PDE3A: variants seen among roughly 807,000 people sequenced by gnomAD.
PDE3A encodes cGMP-inhibited 3',5'-cyclic phosphodiesterase 3A.
A neutral mutation model predicts 98.3 loss-of-function variants in PDE3A; 43 were observed. That is an observed-to-expected ratio of 0.44 (90% CI 0.34 to 0.56). The LOEUF (loss-of-function observed/expected upper bound fraction) is 0.56, where lower values mean the gene tolerates loss of function less well. Ranked by LOEUF, PDE3A falls within the 20% of genes least tolerant of loss-of-function variation. The pLI, the probability that PDE3A is intolerant of heterozygous loss-of-function variation, is 0.01. For synonymous variants in PDE3A, 663 were observed against 567.9 expected (o/e 1.17, Z -2.38); for missense variants, 1,427 against 1,440.7 (o/e 0.99, Z 0.15).
intron 9 of PDE3A, 25 bp from the exon 10 acceptor site, chr12:20,639,821 C>A: frequency 2.9e-6 from 3 of 1,042,084 alleles, no homozygotes; most frequent in Non-Finnish European, 4.5e-6. Context: ...AGGGATGTTT[C>A]ATAAGGCTTT....
chr12:20,621,199 T>C, intron 4 of PDE3A, 97 bp from the exon 5 acceptor site: 3 of 691,994 alleles, frequency 4.3e-6, no homozygotes, highest in Non-Finnish European at 7.8e-6. Context: ...GGCAAATCTA[T>C]TAGAGAAATG....
intron 2 of PDE3A, among the ~76,000 whole-genome samples, chr12:20,599,286 T>C (rs1943535154): frequency 6.6e-6 from 1 of 152,070 alleles, no homozygotes; most frequent in African/African-American, 2.4e-5. Flanking sequence ...TGGCCAATCT[T>C]TCTTTCCTGT....
intron 6 of PDE3A, among the ~76,000 whole-genome samples, chr12:20,630,835 T>A (rs1944362394): frequency 6.6e-6 from 1 of 152,304 alleles, no homozygotes; most frequent in Admixed American, 6.5e-5. Flanking sequence ...TGGTATTTTT[T>A]AAGTAGAAAA....
rs144878834 is a variant in PDE3A, at chr12:20,506,609, G to T, written c.961-50051G>T. Among the ~76,000 whole-genome samples, 364 of 151,878 alleles carry T rather than the reference G, an allele frequency of 2.4e-3. 3 individuals carry two copies. The highest frequency in any genetic ancestry group is 8.5e-3 in the African/African-American group (352 of 41,458). On this transcript the variant is annotated intron_variant, in intron 1 of 15. Coordinates refer to ENST00000359062, the MANE Select transcript of PDE3A (RefSeq NM_000921.5). ...TGTAGTCATTTATAATTTTATAGAC[G>T]AATTTATAATTTGGCTCATACATAT...
chr12:20,514,809 A>T (rs967571654), intron 1 of PDE3A, among the ~76,000 whole-genome samples: 5 of 152,206 alleles, frequency 3.3e-5, no homozygotes, highest in Non-Finnish European at 5.9e-5. Context: ...TAGCTGTGTG[A>T]CTTTGGCATG....
At chr12:20,460,638 T>C (rs2120923992) in intron 1 of PDE3A, among the ~76,000 whole-genome samples, 1 of 152,342 alleles carries the variant, frequency 6.6e-6, no homozygotes, top group Admixed American at 6.5e-5. Flanking sequence ...ACAAGACTAC[T>C]TTTTCATTAT....
chr12:20,393,872 C>T (rs1021694014), intron 1 of PDE3A, among the ~76,000 whole-genome samples: 1 of 151,982 alleles, frequency 6.6e-6, no homozygotes. Context: ...AACCTGCCTT[C>T]GATTCTGATA....
At chr12:20,595,488 T>G (rs983398668) in intron 2 of PDE3A, among the ~76,000 whole-genome samples, 6 of 152,160 alleles carry the variant, frequency 3.9e-5, no homozygotes, top group Admixed American at 2.6e-4. Context: ...TGGACCTATT[T>G]GTCTTAATAT....
At chr12:20,465,415 ATTTG>A (rs1197610309) in intron 1 of PDE3A, among the ~76,000 whole-genome samples, 1 of 151,764 alleles carries the variant, frequency 6.6e-6, no homozygotes, top group Non-Finnish European at 1.5e-5. Context: ...TATTTTATTT[ATTTG>A]TTTATTTTTT....
intron 1 of PDE3A, among the ~76,000 whole-genome samples, chr12:20,391,281 T>G (rs1334379473): frequency 6.6e-6 from 1 of 151,240 alleles, no homozygotes; most frequent in African/African-American, 2.4e-5. Flanking sequence ...AGTTAATATA[T>G]GTGTGTATAA....
intron 1 of PDE3A, among the ~76,000 whole-genome samples, chr12:20,508,726 C>G (rs544001455): frequency 1.3e-5 from 2 of 151,692 alleles, no homozygotes; most frequent in Non-Finnish European, 2.9e-5. Context: ...CCTATTTTTG[C>G]CACATAAAAA....
intron 1 of PDE3A, among the ~76,000 whole-genome samples, chr12:20,428,646 A>ACT (rs1944641997): frequency 6.6e-6 from 1 of 152,150 alleles, no homozygotes; most frequent in Non-Finnish European, 1.5e-5. Context: ...AAATGTAAAA[A>ACT]CAGAATATAG....
chr12:20,562,029 C>G (rs1372154096), intron 2 of PDE3A, among the ~76,000 whole-genome samples: 4 of 152,068 alleles, frequency 2.6e-5, no homozygotes, highest in Admixed American at 1.3e-4. Context: ...AGGAAAGATG[C>G]TAAATGATAA....
chr12:20,556,443 A>G (rs1205962031), intron 1 of PDE3A, among the ~76,000 whole-genome samples: 2 of 152,158 alleles, frequency 1.3e-5, no homozygotes, highest in East Asian at 3.9e-4. Context: ...TTTATCACAC[A>G]GTGATATTAA....
chr12:20,418,773 A>T (rs1056971117), intron 1 of PDE3A, among the ~76,000 whole-genome samples: 3 of 152,236 alleles, frequency 2.0e-5, no homozygotes, highest in Admixed American at 6.5e-5. Flanking sequence ...ACTTTTTTTA[A>T]TGCTTTTACA....
At chr12:20,655,445 C>T (rs1042042617) in intron 15 of PDE3A, among the ~76,000 whole-genome samples, 4 of 151,998 alleles carry the variant, frequency 2.6e-5, no homozygotes, top group Non-Finnish European at 4.4e-5. Context: ...CAGAGGCAGC[C>T]GGGAACGAAC....
At chr12:20,662,112 T>G (rs902299814) in intron 15 of PDE3A, among the ~76,000 whole-genome samples, 2 of 152,144 alleles carry the variant, frequency 1.3e-5, no homozygotes, top group African/African-American at 2.4e-5. Flanking sequence ...TCCAGCCATG[T>G]GAAACTGTAA....
intron 4 of PDE3A, 70 bp downstream of exon 4, chr12:20,616,454 CAGG>C: frequency 6.8e-7 from 1 of 1,463,078 alleles, no homozygotes. Context: ...TTATAAATTA[CAGG>C]AGAAGGAAGG....
intron 2 of PDE3A, among the ~76,000 whole-genome samples, chr12:20,582,671 G>A (rs1172881176): frequency 1.3e-5 from 2 of 152,020 alleles, no homozygotes; most frequent in African/African-American, 2.4e-5. Context: ...TACAGATATT[G>A]ATATTTATAG....
Sources: gnomAD v4.1 joint callset for allele counts (sites outside exome capture counted in the v4.1 genomes callset) on GRCh38, gnomAD v4.1.1 for gene constraint, MANE v1.5 for transcripts, NCBI Gene and HGNC (gene_info 2026-07-23, HGNC 2026-07-21) for gene names.